POTEE: variants seen among roughly 807,000 people sequenced by gnomAD.
POTEE encodes the protein POTE ankyrin domain family member E.
A neutral mutation model predicts 74.2 loss-of-function variants in POTEE; 21 were observed. The observed-to-expected ratio is 0.28, with a 90% confidence interval of 0.20 to 0.41. The LOEUF (loss-of-function observed/expected upper bound fraction) is 0.41. Ranked by LOEUF, POTEE falls within the 10% of genes least tolerant of loss-of-function variation. The probability of loss-of-function intolerance (pLI) is 1.00; values close to 1 mark genes in which losing one functional copy is unlikely to be tolerated. For synonymous variants in POTEE, 211 were observed against 432.8 expected, an observed-to-expected ratio of 0.49 and a Z score of 6.36; for missense variants, 525 against 1,158.6, an observed-to-expected ratio of 0.45 and a Z score of 7.94.
Position 131,218,623 on chromosome 2 carries a change from G to A in POTEE, c.221G>A (p.Gly74Glu), listed in dbSNP as rs1302496195. 6.2e-7 allele frequency: 1 copy of A among 1,606,600 alleles called. No individual in the cohort carries two copies. The highest frequency in any genetic ancestry group is 2.3e-5 in the East Asian group (1 of 44,426). Residue 74 changes from glycine (G) to glutamate (E), a missense_variant, in exon 4 of 18, where the codon GGG (glycine) becomes GAG (glutamate). By Grantham distance (98) the Gly-to-Glu change is moderately conservative. Coordinates refer to ENST00000683005, the MANE Select transcript of POTEE (RefSeq NM_001083538.3). ...CACCACTGCTTCCCCTGCTGCAGGG[G>A]GAGTGGCAAGAGCAACGTGGGCGCT... ...WCHHCFPCCRGSGKSNVGASG... is the reference protein window; with the variant it reads ...WCHHCFPCCRESGKSNVGASG...
intron 9 of POTEE, among the ~76,000 whole-genome samples, chr2:131,236,361 G>C (rs1701133032): frequency 6.6e-6 from 1 of 152,028 alleles, no homozygotes; most frequent in South Asian, 2.1e-4. Flanking sequence ...AGTCAGACTA[G>C]CTAAGTGCGG....
chr2:131,237,549 C>G (rs1208040518), intron 10 of POTEE, among the ~76,000 whole-genome samples: 1 of 151,852 alleles, frequency 6.6e-6, no homozygotes, highest in Admixed American at 6.6e-5. Context: ...AAATCTTTAT[C>G]CACTGTAATT....
chr2:131,232,870 T>C (rs1237259651), intron 9 of POTEE, among the ~76,000 whole-genome samples: 1 of 151,938 alleles, frequency 6.6e-6, no homozygotes, highest in African/African-American at 2.4e-5. Context: ...TCTTCACATG[T>C]GTCTTTTAAA....
At chr2:131,228,979 C>T (rs1700864353) in intron 8 of POTEE, among the ~76,000 whole-genome samples, 1 of 147,868 alleles carries the variant, frequency 6.8e-6, no homozygotes, top group Non-Finnish European at 1.5e-5. Flanking sequence ...GCGATTCATA[C>T]AGTGACTTTG....
chr2:131,211,795 A>G (rs1216358454), intron 2 of POTEE, among the ~76,000 whole-genome samples: 1 of 151,176 alleles, frequency 6.6e-6, no homozygotes, highest in Non-Finnish European at 1.5e-5. Context: ...TGACCTCATG[A>G]TCCGCCCACC....
Position 131,264,029 on chromosome 2 carries a change from G to A in POTEE, c.2574G>A (p.Gly858=). 6.2e-7 allele frequency: 1 copy of A among 1,614,180 alleles called. No homozygotes were observed. The highest frequency in any genetic ancestry group is 1.1e-5 in the South Asian group (1 of 91,084). ...GCATCGTGATGGACTCTGGTGACGG[G>A]GTCACCCACACTGTGCCCATCTATG... ...TTGIVMDSGD[G]VTHTVPIYEG... The change falls in exon 18 of 18, where the codon GGG becomes GGA. Residue 858 remains glycine, a synonymous_variant. Coordinates refer to ENST00000683005, the MANE Select transcript of POTEE (RefSeq NM_001083538.3).
At chr2:131,215,633 C>A (rs966309738) in intron 2 of POTEE, among the ~76,000 whole-genome samples, 1 of 144,102 alleles carries the variant, frequency 6.9e-6, no homozygotes, top group Non-Finnish European at 1.5e-5. Flanking sequence ...AGTTCAAAGT[C>A]ATTGACAAAG....
Position 131,218,347 on chromosome 2 carries a change from G to A in POTEE, c.-56G>A. ...GAGTTACCTGCTAGTTGGTGAAACTGGTTGGTAGACGCGATCTGTTGGCTA... is the reference window on the plus strand; with the variant it reads ...GAGTTACCTGCTAGTTGGTGAAACTAGTTGGTAGACGCGATCTGTTGGCTA... On this transcript the variant is annotated 5_prime_UTR_variant, in exon 4 of 18. Coordinates refer to ENST00000683005, the MANE Select transcript of POTEE (RefSeq NM_001083538.3). 1 of 1,606,636 alleles carries A rather than the reference G, an allele frequency of 6.2e-7. No individual in the cohort carries two copies. The highest frequency in any genetic ancestry group is 1.1e-5 in the South Asian group (1 of 90,386).
chr2:131,213,080 C>T (rs550472088), intron 2 of POTEE, among the ~76,000 whole-genome samples: 6 of 151,750 alleles, frequency 4.0e-5, no homozygotes, highest in South Asian at 4.2e-4. Context: ...CCTGCCTTGG[C>T]CCCCTGAGTA....
intron 6 of POTEE, among the ~76,000 whole-genome samples, chr2:131,225,726 A>G (rs1163687042): frequency 2.9e-5 from 4 of 136,710 alleles, no homozygotes; most frequent in Non-Finnish European, 6.2e-5. Flanking sequence ...GGTTTTTGCC[A>G]TGTTTCTCAG....
At chr2:131,232,646 A>G (rs1390047113) in intron 9 of POTEE, among the ~76,000 whole-genome samples, 1 of 149,808 alleles carries the variant, frequency 6.7e-6, no homozygotes, top group East Asian at 1.9e-4. Context: ...TTTACCGGGT[A>G]GAATGCTTTG....
At chr2:131,216,954 T>C (rs1435456135) in intron 2 of POTEE, among the ~76,000 whole-genome samples, 1 of 152,246 alleles carries the variant, frequency 6.6e-6, no homozygotes, top group East Asian at 1.9e-4. Flanking sequence ...AGATTGCTAA[T>C]GGGTGCAAAG....
chr2:131,219,637 T>C (rs1251138187), intron 4 of POTEE, among the ~76,000 whole-genome samples: 3 of 151,784 alleles, frequency 2.0e-5, no homozygotes, highest in African/African-American at 7.3e-5. Flanking sequence ...CTCAGGAGGC[T>C]GAGGCAGGAG....
chr2:131,233,935 G>A (rs1231208693), intron 9 of POTEE, among the ~76,000 whole-genome samples: 2 of 151,104 alleles, frequency 1.3e-5, no homozygotes. Context: ...CAGGTCAGCA[G>A]GAATGACTAA....
chr2:131,220,532 C>T (rs567404030), intron 4 of POTEE, among the ~76,000 whole-genome samples: 467 of 152,176 alleles, frequency 3.1e-3, no homozygotes, highest in Non-Finnish European at 5.3e-3. Flanking sequence ...AAAATAAGCT[C>T]ATTTTAAAAT....
At chr2:131,217,035 C>T (rs968702871) in intron 2 of POTEE, among the ~76,000 whole-genome samples, 14 of 152,174 alleles carry the variant, frequency 9.2e-5, no homozygotes, top group African/African-American at 3.4e-4. Flanking sequence ...ACTTAAAAAA[C>T]TGAATTTTAT....
chr2:131,227,350 T>C lies in POTEE; in HGVS notation c.917+421T>C, dbSNP rs1275235215. Among the ~76,000 whole-genome samples the C allele has an allele frequency of 7.4e-5, 11 of 149,606 alleles. 1 individual carries two copies. Among genetic ancestry groups the C allele is most frequent in the African/African-American group, 2.8e-4 (11 of 39,130 alleles). ...CATAAATAGGGGTTGAAAATCCTTT[T>C]GTCTTTTTAATGACTTTGCTTTAAG... On this transcript the variant is annotated intron_variant, in intron 7 of 17. Transcript: ENST00000683005.
intron 4 of POTEE, among the ~76,000 whole-genome samples, chr2:131,222,885 C>G (rs1475800867): frequency 2.0e-5 from 3 of 151,732 alleles, no homozygotes; most frequent in African/African-American, 7.3e-5. Flanking sequence ...TGGAACCGCC[C>G]CGGACCTGTT....
chr2:131,221,378 C>T (rs1245446572), intron 4 of POTEE, among the ~76,000 whole-genome samples: 2 of 152,170 alleles, frequency 1.3e-5, no homozygotes, highest in East Asian at 1.9e-4. Context: ...CACATATACA[C>T]GAACAGAATC....
Sources: gnomAD v4.1 joint callset for allele counts (sites outside exome capture counted in the v4.1 genomes callset) on GRCh38, gnomAD v4.1.1 for gene constraint, MANE v1.5 for transcripts, NCBI Gene and HGNC (gene_info 2026-07-23, HGNC 2026-07-21) for gene names.